The following TM9SF3 variants were observed in gnomAD, a reference collection of about 807,000 sequenced individuals.
TM9SF3 encodes the protein SM-11044-binding protein.
In TM9SF3, 14 loss-of-function variants were observed where a neutral mutation model predicts 78.6. That is an observed-to-expected ratio of 0.18 (90% CI 0.12 to 0.28). The LOEUF (loss-of-function observed/expected upper bound fraction) is 0.28. Ranked by LOEUF, TM9SF3 falls within the 10% of genes least tolerant of loss-of-function variation. The pLI is 1.00. For synonymous variants in TM9SF3, 231 were observed against 241.7 expected (o/e 0.96, Z 0.41); for missense variants, 496 against 721.9 (o/e 0.69, Z 3.59).
At chr10:96,561,093 A>T (rs1450934314) in intron 4 of TM9SF3, among the ~76,000 whole-genome samples, 2 of 152,188 alleles carry the variant, frequency 1.3e-5, no homozygotes, top group Non-Finnish European at 1.5e-5. Flanking sequence ...GGCTGGAAAC[A>T]ATCTCACTCT....
At chr10:96,574,751 G>T (rs1195208965) in intron 2 of TM9SF3, among the ~76,000 whole-genome samples, 1 of 152,150 alleles carries the variant, frequency 6.6e-6, no homozygotes, top group African/African-American at 2.4e-5. Flanking sequence ...CCACAGAAAA[G>T]GATGAGTTAA....
chr10:96,562,984 T>C (rs1848328208), intron 3 of TM9SF3, among the ~76,000 whole-genome samples: 1 of 152,240 alleles, frequency 6.6e-6, no homozygotes, highest in Non-Finnish European at 1.5e-5. Context: ...TAAAATATTA[T>C]TTATTAACCA....
intron 1 of TM9SF3, 37 bp downstream of exon 1, chr10:96,586,697 C>A: frequency 4.1e-6 from 5 of 1,217,872 alleles, no homozygotes; most frequent in Non-Finnish European, 4.1e-6. Flanking sequence ...AACTGGGGAG[C>A]TAGCCCGGGG....
chr10:96,566,515 A>C (rs1301322080), intron 2 of TM9SF3, among the ~76,000 whole-genome samples: 1 of 152,226 alleles, frequency 6.6e-6, no homozygotes, highest in Non-Finnish European at 1.5e-5. Flanking sequence ...TACAACACCA[A>C]AGATGGCAGT....
chr10:96,554,517 C>T (rs954298531), intron 5 of TM9SF3, among the ~76,000 whole-genome samples: 7 of 152,256 alleles, frequency 4.6e-5, no homozygotes, highest in East Asian at 1.9e-4. Context: ...CTTCACTGAC[C>T]GCTGCTTCTC....
At chr10:96,527,066 A>G (rs1274651298) in intron 14 of TM9SF3, 147 bp downstream of exon 14, 3 of 572,446 alleles carry the variant, frequency 5.2e-6, no homozygotes, top group African/African-American at 3.8e-5. Context: ...TGTGGGGAAG[A>G]GTCAAAAGGA....
intron 9 of TM9SF3, among the ~76,000 whole-genome samples, chr10:96,540,192 ACCATGTCTCT>A (rs1461218704): frequency 6.6e-5 from 10 of 152,204 alleles, no homozygotes; most frequent in Non-Finnish European, 1.5e-4. Flanking sequence ...TCAGCAGACC[ACCATGTCTCT>A]AAGTTATTAA....
chr10:96,565,271 T>C (rs1256727873), intron 3 of TM9SF3, 33 bp downstream of exon 3: 13 of 1,468,912 alleles, frequency 8.9e-6, no homozygotes, highest in Non-Finnish European at 1.2e-5. Context: ...ATGCAAATTT[T>C]CCCAAATCTT....
At chr10:96,571,478 C>T (rs1372680255) in intron 2 of TM9SF3, among the ~76,000 whole-genome samples, 2 of 152,102 alleles carry the variant, frequency 1.3e-5, no homozygotes, top group African/African-American at 4.8e-5. Context: ...AAACATCTTC[C>T]GGCTGAATAA....
At chr10:96,561,863 T>G in intron 4 of TM9SF3, 115 bp downstream of exon 4, 1 of 838,524 alleles carries the variant, frequency 1.2e-6, no homozygotes, top group Non-Finnish European at 1.9e-6. Flanking sequence ...GTTTTAATAA[T>G]ATTCTGTTGC....
intron 9 of TM9SF3, among the ~76,000 whole-genome samples, chr10:96,539,736 A>T (rs767010841): frequency 1.4e-4 from 21 of 152,216 alleles, no homozygotes; most frequent in Non-Finnish European, 1.9e-4. Flanking sequence ...AAAAACACAC[A>T]AACAAAAAAG....
intron 9 of TM9SF3, among the ~76,000 whole-genome samples, chr10:96,540,769 CTT>C (rs68126103): frequency 0.058 from 2,970 of 51,236 alleles, 17 homozygotes; most frequent in Non-Finnish European, 0.073. Flanking sequence ...TATTACCTTT[CTT>C]TTTTTTTTTT....
At chr10:96,538,081 CA>C (rs1342019545) in intron 9 of TM9SF3, among the ~76,000 whole-genome samples, 2 of 152,000 alleles carry the variant, frequency 1.3e-5, no homozygotes, top group Non-Finnish European at 2.9e-5. Flanking sequence ...TTAGAAAAGC[CA>C]AAACAACTTT....
Position 96,586,814 on chromosome 10 carries a change from G to C in TM9SF3, c.22C>G (p.Leu8Val). 6.3e-6 allele frequency: 8 copies of C among 1,267,328 alleles called. No homozygotes were observed. Among genetic ancestry groups the C allele is most frequent in the Non-Finnish European group, 8.0e-6 (8 of 1,006,224 alleles). The allele number at this position is 1,267,328 out of a possible 1,614,324, so 78.5% of individuals were successfully genotyped here. A position where few individuals can be genotyped will look rare whatever the true frequency, so the allele number is the denominator to read the frequency against. The change falls in exon 1 of 15, where the codon CTT becomes GTT. Residue 8 changes from leucine to valine, a missense_variant. By Grantham distance (32) the Leu-to-Val change is conservative. Coordinates refer to ENST00000371142, the MANE Select transcript of TM9SF3 (RefSeq NM_020123.4). ...AGCGCGGCGGCCGCCGCCACGCCAA[G>C]AGCGCCAGGCAGCGGCCTCATCCTC... MRPLPGA[L>V]GVAAAAALWL...
intron 2 of TM9SF3, among the ~76,000 whole-genome samples, chr10:96,567,591 CCT>C (rs1352306616): frequency 4.6e-5 from 7 of 152,190 alleles, no homozygotes; most frequent in African/African-American, 1.7e-4. Context: ...CCAGCCCTTT[CCT>C]CCACAAAGGA....
chr10:96,519,671 G>A lies in TM9SF3; in HGVS notation c.*2592C>T, dbSNP rs1265423554. The A allele has an allele frequency of 2.0e-5, 3 of 151,832 alleles. No homozygotes were observed. The highest frequency in any genetic ancestry group is 4.4e-5 in the Non-Finnish European group (3 of 67,814). The allele number at this position is 151,832 out of a possible 1,614,324, so 9.4% of individuals were successfully genotyped here. A position where few individuals can be genotyped will look rare whatever the true frequency, so the allele number is the denominator to read the frequency against. On this transcript the variant is annotated 3_prime_UTR_variant, in exon 15 of 15. Transcript: ENST00000371142. ...AGACAGATACACAGCATTAGTGGGG[G>A]TATAAAAACCTCACCTTTCAATTAA...
chr10:96,574,858 G>A (rs1452129651), intron 2 of TM9SF3, among the ~76,000 whole-genome samples: 1 of 152,170 alleles, frequency 6.6e-6, no homozygotes, highest in Non-Finnish European at 1.5e-5. Context: ...TCACTCGTAA[G>A]TGGGAATTGA....
chr10:96,569,554 C>T (rs991765873), intron 2 of TM9SF3, among the ~76,000 whole-genome samples: 7 of 152,252 alleles, frequency 4.6e-5, no homozygotes, highest in African/African-American at 9.6e-5. Flanking sequence ...TTTTTCTAAA[C>T]GACAATTTGG....
At chr10:96,532,407 TC>T (rs200358610) in intron 10 of TM9SF3, among the ~76,000 whole-genome samples, 16,811 of 152,016 alleles carry the variant, frequency 0.11, 1,067 homozygotes, top group Non-Finnish European at 0.15. Context: ...AGCAAAATTA[TC>T]ACCTATTTGT....
Sources: allele counts gnomAD v4.1 joint callset (sites outside exome capture counted in the v4.1 genomes callset), GRCh38; gene constraint gnomAD v4.1.1; transcripts MANE v1.5; gene names NCBI Gene and HGNC (gene_info 2026-07-23, HGNC 2026-07-21).